CTNNA1: variants seen among roughly 807,000 people sequenced by gnomAD.
CTNNA1 encodes the protein catenin alpha-1.
In CTNNA1, 37 loss-of-function variants were observed where a neutral mutation model predicts 98.4. The ratio of observed to expected loss-of-function variants is 0.38; its 90% confidence interval spans 0.29 to 0.49. The LOEUF is 0.49. CTNNA1 is among the 20% of genes least tolerant of loss of function. The pLI, the probability that CTNNA1 is intolerant of heterozygous loss-of-function variation, is 0.95. For synonymous variants in CTNNA1, 404 were observed against 413.2 expected, an observed-to-expected ratio of 0.98 and a Z score of 0.27; for missense variants, 761 against 1,147.2, an observed-to-expected ratio of 0.66 and a Z score of 4.86.
intron 17 of CTNNA1, among the ~76,000 whole-genome samples, chr5:138,933,561 G>A (rs868003167): frequency 1.3e-5 from 2 of 152,318 alleles, no homozygotes; most frequent in South Asian, 2.1e-4. Flanking sequence ...GTGGGGGTGA[G>A]CAAGGCGAGG....
intron 7 of CTNNA1, chr5:138,828,370 C>CT (rs11397878): frequency 0.3 from 45,640 of 151,074 alleles, 7,018 homozygotes; most frequent in African/African-American, 0.36. Flanking sequence ...TTGATACCCA[C>CT]TTTTTTTTTA....
intron 5 of CTNNA1, among the ~76,000 whole-genome samples, chr5:138,815,630 A>G (rs571715985): frequency 3.3e-5 from 5 of 152,116 alleles, no homozygotes; most frequent in East Asian, 1.9e-4. Flanking sequence ...GTCCATACCT[A>G]TGTATGATAG....
At position 138,917,879 on chromosome 5, in the gene CTNNA1, T is replaced by C; in HGVS notation, c.1527T>C (p.Asp509=). The C allele has an allele frequency of 6.2e-7, 1 of 1,614,204 alleles. No individual in the cohort carries two copies. Among genetic ancestry groups the C allele is most frequent in the South Asian group, 1.1e-5 (1 of 91,078 alleles). The part of the protein sequence containing the change: ...TDAVDDITSI[D]DFLAVSENHI... ...CTGTCGATGACATTACTTCCATTGATGACTTCTTGGCTGTCTCAGGTAATG... is the reference window on the plus strand; with the variant it reads ...CTGTCGATGACATTACTTCCATTGACGACTTCTTGGCTGTCTCAGGTAATG... Residue 509 remains aspartate, a synonymous_variant, in exon 11 of 18, where the codon GAT becomes GAC. Transcript: ENST00000302763.
rs770895747 is a variant in CTNNA1, at chr5:138,873,748, T to C, written c.1063-12464T>C. 1 of 1,614,044 alleles carries C rather than the reference T, an allele frequency of 6.2e-7. No homozygotes were observed. The highest frequency in any genetic ancestry group is 1.3e-5 in the African/African-American group (1 of 75,052). ...TAAGATTGGGCATCGTTTCAAACAC[T>C]GTCAAGTCGATGGCTTTGATTTCAT... is the stretch of plus-strand genomic sequence containing the variant. On this transcript the variant is annotated intron_variant, in intron 7 of 17. Transcript: ENST00000302763. This position sits in a 1 kb window ranked among gnomAD's most constrained non-coding sequence, Gnocchi z 6.1.
intron 1 of CTNNA1, among the ~76,000 whole-genome samples, chr5:138,762,916 A>C (rs1752528083): frequency 6.6e-6 from 1 of 152,110 alleles, no homozygotes; most frequent in Non-Finnish European, 1.5e-5. Flanking sequence ...ACAGAAGAAA[A>C]ATTTATCTTT....
chr5:138,757,582 A>G (rs189642311), intron 1 of CTNNA1, among the ~76,000 whole-genome samples: 2 of 152,318 alleles, frequency 1.3e-5, no homozygotes, highest in East Asian at 3.9e-4. Flanking sequence ...GTCATATCTT[A>G]AGACTCAGCA....
chr5:138,840,619 A>G (rs1283448743), intron 7 of CTNNA1, among the ~76,000 whole-genome samples: 1 of 151,966 alleles, frequency 6.6e-6, no homozygotes, highest in African/African-American at 2.4e-5. Flanking sequence ...TAGCCAATTA[A>G]TAGTTGTGGG....
intron 10 of CTNNA1, among the ~76,000 whole-genome samples, chr5:138,909,709 C>T (rs1370948152): frequency 1.3e-5 from 2 of 152,212 alleles, no homozygotes; most frequent in Admixed American, 6.5e-5. Context: ...ATTCTTCCTT[C>T]TGCCTCCCTA....
At chr5:138,765,287 C>A (rs530702576) in intron 1 of CTNNA1, among the ~76,000 whole-genome samples, 1 of 151,592 alleles carries the variant, frequency 6.6e-6, no homozygotes, top group Admixed American at 6.6e-5. Context: ...GTGATCCGCC[C>A]GCCTCGGCCT....
At chr5:138,850,709 T>G (rs1002277189) in intron 7 of CTNNA1, among the ~76,000 whole-genome samples, 1 of 152,218 alleles carries the variant, frequency 6.6e-6, no homozygotes, top group African/African-American at 2.4e-5. Context: ...CAACGACTCC[T>G]GTGGTCTTTA....
intron 3 of CTNNA1, among the ~76,000 whole-genome samples, chr5:138,796,884 T>G (rs1365480774): frequency 6.6e-6 from 1 of 152,186 alleles, no homozygotes; most frequent in Non-Finnish European, 1.5e-5. Flanking sequence ...AACAATATGC[T>G]CCTGTAAAAT....
intron 7 of CTNNA1, among the ~76,000 whole-genome samples, chr5:138,856,924 A>G (rs1370432951): frequency 6.6e-6 from 1 of 152,232 alleles, no homozygotes; most frequent in Admixed American, 6.5e-5. Context: ...CTAGAGATTA[A>G]TAATGAACAC....
At chr5:138,877,397 A>T (rs965804819) in intron 7 of CTNNA1, among the ~76,000 whole-genome samples, 1 of 151,654 alleles carries the variant, frequency 6.6e-6, no homozygotes, top group African/African-American at 2.4e-5. Context: ...TTGCCCCCAA[A>T]AGTTCTAAGG....
intron 7 of CTNNA1, among the ~76,000 whole-genome samples, chr5:138,851,908 A>G (rs964561243): frequency 9.2e-5 from 14 of 151,786 alleles, no homozygotes; most frequent in African/African-American, 3.1e-4. Context: ...TACAAACAAA[A>G]CAAAACAAAA....
chr5:138,909,234 A>G (rs1441232961), intron 10 of CTNNA1, among the ~76,000 whole-genome samples: 4 of 152,174 alleles, frequency 2.6e-5, no homozygotes, highest in Admixed American at 2.6e-4. Context: ...AGTTAATACA[A>G]ATCTGGCACT....
intron 7 of CTNNA1, among the ~76,000 whole-genome samples, chr5:138,884,310 C>T (rs778100637): frequency 1.3e-4 from 20 of 151,992 alleles, no homozygotes; most frequent in East Asian, 5.8e-4. Context: ...TAAATGGAGG[C>T]GGGAAGCCAA....
At chr5:138,825,320 A>T (rs1298973897) in intron 6 of CTNNA1, among the ~76,000 whole-genome samples, 1 of 152,156 alleles carries the variant, frequency 6.6e-6, no homozygotes, top group African/African-American at 2.4e-5. Context: ...CAAATTTGGG[A>T]TTAAAATACT....
intron 1 of CTNNA1, among the ~76,000 whole-genome samples, chr5:138,761,263 C>T (rs1213912747): frequency 1.3e-5 from 2 of 152,076 alleles, no homozygotes; most frequent in East Asian, 3.8e-4. Context: ...GAGACAGAGT[C>T]TCACCCTGTC....
chr5:138,785,818 T>C (rs1195228821), intron 3 of CTNNA1, among the ~76,000 whole-genome samples: 1 of 152,170 alleles, frequency 6.6e-6, no homozygotes, highest in Non-Finnish European at 1.5e-5. Flanking sequence ...CGTCTCGAAC[T>C]CCTGACCTCA....
Sources: gnomAD v4.1 joint callset for allele counts (sites outside exome capture counted in the v4.1 genomes callset) on GRCh38, gnomAD v4.1.1 for gene constraint, Gnocchi (gnomAD v3.1) non-coding constraint, MANE v1.5 for transcripts, NCBI Gene and HGNC (gene_info 2026-07-23, HGNC 2026-07-21) for gene names.